Variants in LSP1 observed in about 807,000 individuals in gnomAD.
LSP1 encodes lymphocyte specific protein 1.
LSP1 carries 32 observed loss-of-function variants against 49.3 expected under a neutral mutation model. The observed-to-expected ratio is 0.65, with a 90% confidence interval of 0.49 to 0.87. The LOEUF is 0.87. LSP1 is among the 40% of genes least tolerant of loss of function. The probability of loss-of-function intolerance (pLI) is 0.00; values close to 1 mark genes in which losing one functional copy is unlikely to be tolerated. For missense variants in LSP1, 428 were observed against 442.6 expected, an observed-to-expected ratio of 0.97 and a Z score of 0.30; for synonymous variants, 179 against 178.8, an observed-to-expected ratio of 1.00 and a Z score of -0.01.
Position 1,860,959 on chromosome 11 carries a change from T to A in LSP1, c.53+7762T>A, listed in dbSNP as rs1436855169. ...TGGATGGATATGGATAATAGATGAA[T>A]AGATGGATACGTGGGTGGATATAAC... On this transcript the variant is annotated intron_variant, in intron 1 of 10. Transcript: ENST00000311604. Among the ~76,000 whole-genome samples, 3 of 152,118 alleles carry A rather than the reference T, an allele frequency of 2.0e-5. No homozygotes were observed. In the East Asian group the frequency reaches 5.8e-4, roughly 29 times the overall value.
chr11:1,886,019 C>T (rs1848734799), intron 7 of LSP1, among the ~76,000 whole-genome samples: 1 of 152,108 alleles, frequency 6.6e-6, no homozygotes, highest in Admixed American at 6.5e-5. Context: ...CCAACCAGTA[C>T]TCCTCCGTCC....
At chr11:1,870,242 T>G in intron 1 of LSP1, 1 of 1,297,248 alleles carries the variant, frequency 7.7e-7, no homozygotes, top group Non-Finnish European at 1.0e-6. Flanking sequence ...AGCTGGTCCT[T>G]CATACCCCAT....
At chr11:1,856,839 G>A (rs1847501891) in intron 1 of LSP1, among the ~76,000 whole-genome samples, 1 of 152,258 alleles carries the variant, frequency 6.6e-6, no homozygotes, top group Non-Finnish European at 1.5e-5. Context: ...CCACGCTGGG[G>A]CAGGTGGCCC....
rs1228898542 is a variant in LSP1, at chr11:1,862,704, TCTCACCTCCCCTGGGTGAC to T, written c.53+9529_53+9547del. Among the ~76,000 whole-genome samples the T allele has an allele frequency of 9.4e-3, 1,431 of 151,940 alleles. 25 individuals are homozygous for T. Among genetic ancestry groups the T allele is most frequent in the African/African-American group, 0.031 (1,294 of 41,368 alleles). On this transcript the variant is annotated intron_variant, in intron 1 of 10. Coordinates refer to ENST00000311604, the MANE Select transcript of LSP1 (RefSeq NM_002339.3). ...GAGTGATTTAGCTTTCCCTGGGTGA[TCTCACCTCCCCTGGGTGAC>T]CTCACCTCCCCTGGGTGACCTTACC... is the stretch of plus-strand genomic sequence containing the variant.
intron 1 of LSP1, among the ~76,000 whole-genome samples, chr11:1,874,320 C>T (rs1295306208): frequency 9.4e-5 from 1 of 10,586 alleles, no homozygotes; most frequent in Non-Finnish European, 1.7e-4. Context: ...GAGGGCAGGC[C>T]GGGGACAGTG....
intron 10 of LSP1, chr11:1,888,908 C>A (rs758569544): frequency 4.3e-6 from 2 of 463,058 alleles, no homozygotes; most frequent in Non-Finnish European, 7.6e-6. Context: ...CTGTTCCCCT[C>A]ACACCACTGC....
intron 1 of LSP1, chr11:1,869,365 G>A (rs952530682): frequency 4.2e-5 from 13 of 308,852 alleles, no homozygotes; most frequent in African/African-American, 1.5e-4. Context: ...GAAAGAAAGC[G>A]AAGGCACGAG....
In LSP1 at chr11:1,853,210, G is replaced by A. The variant is rs1372258529; in HGVS notation, c.53+13G>A. The A allele has an allele frequency of 1.6e-5, 25 of 1,605,610 alleles. No individual in the cohort carries two copies. The highest frequency in any genetic ancestry group is 2.0e-5 in the Non-Finnish European group (23 of 1,178,168). ...AAGAGTTGCTGGGGTAAGGGTCTGC[G>A]GCGACGCCCGGCGCCCTGTGCCGTG... On this transcript the variant is annotated intron_variant, in intron 1 of 10. Coordinates refer to ENST00000311604, the MANE Select transcript of LSP1 (RefSeq NM_002339.3).
At chr11:1,864,599 AAGG>A (rs932151193) in intron 1 of LSP1, among the ~76,000 whole-genome samples, 69 of 151,902 alleles carry the variant, frequency 4.5e-4, no homozygotes, top group Admixed American at 2.2e-3. Context: ...CTCTTCTCGG[AAGG>A]AGGAGGAGGT....
intron 1 of LSP1, among the ~76,000 whole-genome samples, chr11:1,873,754 C>T (rs1010464153): frequency 6.6e-6 from 1 of 151,826 alleles, no homozygotes; most frequent in Non-Finnish European, 1.5e-5. Flanking sequence ...CTGGGCTAGT[C>T]TGGTGGTTGT....
At chr11:1,876,717 G>A in intron 1 of LSP1, 2 of 849,638 alleles carry the variant, frequency 2.4e-6, no homozygotes, top group Non-Finnish European at 2.8e-6. Flanking sequence ...AGGTAGAAGT[G>A]GGGGTGGGGG....
intron 1 of LSP1, among the ~76,000 whole-genome samples, chr11:1,869,453 G>A (rs981892071): frequency 1.3e-5 from 2 of 152,042 alleles, no homozygotes; most frequent in African/African-American, 4.8e-5. Context: ...GAGGGAGGGG[G>A]AGCAGAAGCG....
At chr11:1,874,898 G>T (rs931566748) in intron 1 of LSP1, among the ~76,000 whole-genome samples, 1 of 152,160 alleles carries the variant, frequency 6.6e-6, no homozygotes, top group African/African-American at 2.4e-5. Context: ...CTGTGAGAAG[G>T]CAACACTGCC....
At position 1,884,042 on chromosome 11, in the gene LSP1, GCCTGCCATCTTC is replaced by G; in HGVS notation, c.591+19_591+30del. ...CCACCAAAGTAAGTTAAGCTGCAAA[GCCTGCCATCTTC>G]TCCCCTCTCCCGTACTCATACCCAA... On this transcript the variant is annotated intron_variant, in intron 5 of 10. Coordinates refer to ENST00000311604, the MANE Select transcript of LSP1 (RefSeq NM_002339.3). This position sits in a 1 kb window ranked among gnomAD's most constrained non-coding sequence, Gnocchi z 4.1. The G allele has an allele frequency of 6.2e-7, 1 of 1,600,904 alleles. No homozygotes were observed. The highest frequency in any genetic ancestry group is 2.2e-5 in the East Asian group (1 of 44,764).
intron 1 of LSP1, chr11:1,870,724 G>A: frequency 2.0e-6 from 2 of 1,007,772 alleles, no homozygotes; most frequent in Non-Finnish European, 1.2e-6. Context: ...GAGCGCTTCG[G>A]GCAGCATCTG....
chr11:1,874,367 G>A (rs1434960705), intron 1 of LSP1, among the ~76,000 whole-genome samples: 3 of 151,714 alleles, frequency 2.0e-5, no homozygotes, highest in African/African-American at 4.8e-5. Context: ...GTGTCGGGGT[G>A]AGGATCTGGT....
At chr11:1,870,249 C>T in intron 1 of LSP1, 1 of 1,301,016 alleles carries the variant, frequency 7.7e-7, no homozygotes, top group Non-Finnish European at 1.0e-6. Flanking sequence ...CCTTCATACC[C>T]CATTTTGCAA....
At chr11:1,877,083 C>G (rs1356719384) in intron 1 of LSP1, among the ~76,000 whole-genome samples, 1 of 152,200 alleles carries the variant, frequency 6.6e-6, no homozygotes, top group Non-Finnish European at 1.5e-5. Flanking sequence ...GGGCCACGGG[C>G]GGGGTCGGCC....
chr11:1,873,554 G>A (rs1290243278), intron 1 of LSP1, among the ~76,000 whole-genome samples: 1 of 151,234 alleles, frequency 6.6e-6, no homozygotes, highest in Admixed American at 6.6e-5. Context: ...GGGAAGGATA[G>A]AGGGAGGAGG....
Sources: gnomAD v4.1 joint callset for allele counts (sites outside exome capture counted in the v4.1 genomes callset) on GRCh38, gnomAD v4.1.1 for gene constraint, Gnocchi (gnomAD v3.1) non-coding constraint, MANE v1.5 for transcripts, NCBI Gene and HGNC (gene_info 2026-07-23, HGNC 2026-07-21) for gene names.